The following GRID1 variants were observed in gnomAD, a reference collection of about 807,000 sequenced individuals.
The protein encoded by GRID1 is glutamate receptor ionotropic, delta-1.
In GRID1, 28 loss-of-function variants were observed where a neutral mutation model predicts 98.0. That is an observed-to-expected ratio of 0.29 (90% CI 0.21 to 0.39). GRID1 has a LOEUF of 0.39. Ranked by LOEUF, GRID1 falls within the 10% of genes least tolerant of loss-of-function variation. The probability of loss-of-function intolerance (pLI) is 1.00; values close to 1 mark genes in which losing one functional copy is unlikely to be tolerated. For missense variants in GRID1, 1,111 were observed against 1,340.5 expected (o/e 0.83, Z 2.67); for synonymous variants, 553 against 538.5 (o/e 1.03, Z -0.37).
intron 4 of GRID1, among the ~76,000 whole-genome samples, chr10:85,949,994 G>A (rs1842099672): frequency 6.6e-6 from 1 of 152,096 alleles, no homozygotes; most frequent in African/African-American, 2.4e-5. Flanking sequence ...ATAGATGGGT[G>A]ACTGGATGAT....
At chr10:85,807,075 C>T (rs1024091244) in intron 8 of GRID1, among the ~76,000 whole-genome samples, 4 of 151,910 alleles carry the variant, frequency 2.6e-5, no homozygotes, top group African/African-American at 9.7e-5. Context: ...TTGGGCTGGG[C>T]ATAGTGGCTT....
rs189010082 is a variant in GRID1, at chr10:86,177,061, G to A, written c.520+29303C>T. Reference sequence around the variant, plus strand: ...ACAGTTTCCACCGTATCACTGTCTGGTGCCCTTCGCCCCCACCCCCTACAG... The same window carrying A: ...ACAGTTTCCACCGTATCACTGTCTGATGCCCTTCGCCCCCACCCCCTACAG... On this transcript the variant is annotated intron_variant, in intron 3 of 15. Transcript: ENST00000327946. 2.1e-3 allele frequency among the ~76,000 whole-genome samples: 326 copies of A among 151,846 alleles called. 2 individuals are homozygous for A. The highest frequency in any genetic ancestry group is 3.8e-3 in the Non-Finnish European group (261 of 67,912).
At position 85,854,509 on chromosome 10, in the gene GRID1, T is replaced by C. The variant is rs1215954289; in HGVS notation, c.1220A>G (p.Lys407Arg). 6.2e-7 allele frequency: 1 copy of C among 1,613,944 alleles called. No homozygotes were observed. The highest frequency in any genetic ancestry group is 1.7e-5 in the Admixed American group (1 of 60,024). The change falls in exon 8 of 16, where the codon AAA (lysine) becomes AGA (arginine). Residue 407 changes from lysine (K) to arginine (R), a missense_variant. Physicochemically the swap from Lys to Arg is conservative, Grantham distance 26. Transcript: ENST00000327946. ...CCTGAGGCTTACCTTGCGCATGTCT[T>C]TGCCAAAAGTCTCACTATAGGTAGT... is the stretch of plus-strand genomic sequence containing the variant. ...LGTTYSETFG[K>R]DMRKLATWDS...
chr10:86,310,384 T>A (rs1476588954), intron 2 of GRID1, among the ~76,000 whole-genome samples: 1 of 152,008 alleles, frequency 6.6e-6, no homozygotes, highest in East Asian at 1.9e-4. Flanking sequence ...TGCCTCTCCA[T>A]CCCCAGCACT....
rs1198646607 is a variant in GRID1 at position 85,882,099 on chromosome 10, T to C, written c.781-12919A>G. 2.7e-3 allele frequency among the ~76,000 whole-genome samples: 410 copies of C among 152,048 alleles called. 3 individuals carry two copies. Among genetic ancestry groups the C allele is most frequent in the Non-Finnish European group, 4.4e-3 (301 of 67,872 alleles). ...TACCATCTCACACCAGTTAGAATGG[T>C]GATCATTAAAAAGTCAGGGAACCAC... On this transcript the variant is annotated intron_variant, in intron 5 of 15. Transcript: ENST00000327946.
At chr10:86,318,765 T>C (rs1289954731) in intron 2 of GRID1, among the ~76,000 whole-genome samples, 3 of 152,220 alleles carry the variant, frequency 2.0e-5, no homozygotes, top group Admixed American at 6.5e-5. Flanking sequence ...CATTCATCCA[T>C]TCATTCAACT....
chr10:85,953,212 G>T (rs1842147529), intron 4 of GRID1, among the ~76,000 whole-genome samples: 1 of 152,086 alleles, frequency 6.6e-6, no homozygotes, highest in Admixed American at 6.5e-5. Context: ...ATGAGATCAT[G>T]TCCTTTGCAG....
At chr10:85,992,366 T>C (rs989601954) in intron 4 of GRID1, among the ~76,000 whole-genome samples, 13 of 152,278 alleles carry the variant, frequency 8.5e-5, no homozygotes, top group African/African-American at 3.1e-4. Context: ...GAGTTTTGCC[T>C]GGTGAATATC....
chr10:86,137,500 G>A (rs1167570634), intron 4 of GRID1, among the ~76,000 whole-genome samples: 2 of 152,218 alleles, frequency 1.3e-5, no homozygotes, highest in Non-Finnish European at 1.5e-5. Flanking sequence ...GGGGGCCAGC[G>A]ATGAGATTAG....
At chr10:86,082,324 G>A (rs1303955663) in intron 4 of GRID1, among the ~76,000 whole-genome samples, 1 of 152,216 alleles carries the variant, frequency 6.6e-6, no homozygotes, top group East Asian at 1.9e-4. Context: ...GAGGGCAGGT[G>A]GAGTTCCTAG....
At chr10:85,835,253 C>T (rs543938273) in intron 8 of GRID1, among the ~76,000 whole-genome samples, 9 of 152,252 alleles carry the variant, frequency 5.9e-5, no homozygotes, top group South Asian at 2.1e-4. Flanking sequence ...AACCCCATCT[C>T]GGCATCTGAT....
chr10:85,744,337 G>T (rs1841977662), intron 8 of GRID1, among the ~76,000 whole-genome samples: 1 of 152,152 alleles, frequency 6.6e-6, no homozygotes, highest in Non-Finnish European at 1.5e-5. Context: ...ATCTAATGTG[G>T]TCAACAACTG....
At chr10:86,132,273 A>T (rs1463977564) in intron 4 of GRID1, among the ~76,000 whole-genome samples, 4 of 152,266 alleles carry the variant, frequency 2.6e-5, no homozygotes, top group Admixed American at 1.3e-4. Flanking sequence ...TCAAACACAG[A>T]TCCTAACAGG....
intron 4 of GRID1, among the ~76,000 whole-genome samples, chr10:86,074,117 G>A (rs926500525): frequency 3.2e-4 from 46 of 145,392 alleles, no homozygotes; most frequent in African/African-American, 1.0e-3. Context: ...ATTTTCTTAC[G>A]TGCGCAAATG....
intron 4 of GRID1, among the ~76,000 whole-genome samples, chr10:86,021,948 A>G (rs1381960879): frequency 6.6e-6 from 1 of 152,206 alleles, no homozygotes; most frequent in Non-Finnish European, 1.5e-5. Flanking sequence ...AGCCGCATCT[A>G]AAAGAAGTAG....
At chr10:86,154,799 G>T (rs994650729) in intron 3 of GRID1, among the ~76,000 whole-genome samples, 3 of 152,142 alleles carry the variant, frequency 2.0e-5, no homozygotes, top group Non-Finnish European at 2.9e-5. Flanking sequence ...ATCGTAAGCT[G>T]GGCAAGAGCA....
At chr10:85,712,243 A>G (rs1157812443) in intron 12 of GRID1, among the ~76,000 whole-genome samples, 1 of 151,816 alleles carries the variant, frequency 6.6e-6, no homozygotes, top group Non-Finnish European at 1.5e-5. Flanking sequence ...AACATGATCC[A>G]ACTATATGCT....
At chr10:86,359,708 AT>A (rs1365132177) in intron 2 of GRID1, among the ~76,000 whole-genome samples, 1 of 152,250 alleles carries the variant, frequency 6.6e-6, no homozygotes, top group Non-Finnish European at 1.5e-5. Context: ...GTAAAAAGTA[AT>A]GCTGGGAAAT....
intron 4 of GRID1, among the ~76,000 whole-genome samples, chr10:86,033,170 T>C (rs748513603): frequency 7.2e-5 from 11 of 151,970 alleles, no homozygotes; most frequent in Non-Finnish European, 1.6e-4. Flanking sequence ...CCACATTCTT[T>C]GCAAAAATTG....
Sources: gnomAD v4.1 joint callset for allele counts (sites outside exome capture counted in the v4.1 genomes callset) on GRCh38, gnomAD v4.1.1 for gene constraint, MANE v1.5 for transcripts, NCBI Gene and HGNC (gene_info 2026-07-23, HGNC 2026-07-21) for gene names.